CNTN4: variants seen among roughly 807,000 people sequenced by gnomAD.
CNTN4 encodes the protein contactin 4, also known as contactin-4.
In CNTN4, 77 loss-of-function variants were observed where a neutral mutation model predicts 122.5. The ratio of observed to expected loss-of-function variants is 0.63; its 90% CI spans 0.52 to 0.76. The LOEUF (loss-of-function observed/expected upper bound fraction) is 0.76. Ranked by LOEUF, CNTN4 falls within the 30% of genes least tolerant of loss-of-function variation. The probability of loss-of-function intolerance (pLI) is 0.00; values close to 1 mark genes in which losing one functional copy is unlikely to be tolerated. For missense variants in CNTN4, 1,256 were observed against 1,259.1 expected, an observed-to-expected ratio of 1.00 and a Z score of 0.04; for synonymous variants, 512 against 447.0, an observed-to-expected ratio of 1.15 and a Z score of -1.83.
At chr3:2,805,324 T>A (rs959421701) in intron 6 of CNTN4, among the ~76,000 whole-genome samples, 1 of 152,184 alleles carries the variant, frequency 6.6e-6, no homozygotes, top group African/African-American at 2.4e-5. Flanking sequence ...CAATTGGAGT[T>A]GTGCTAGAAT....
chr3:2,506,039 ATGGT>A (rs2076722425), intron 3 of CNTN4, among the ~76,000 whole-genome samples: 2 of 151,940 alleles, frequency 1.3e-5, no homozygotes, highest in Admixed American at 1.3e-4. Context: ...ATGTAACACT[ATGGT>A]AATCTTAACA....
intron 13 of CNTN4, among the ~76,000 whole-genome samples, chr3:2,956,065 A>G (rs1368357151): frequency 3.9e-5 from 6 of 152,222 alleles, no homozygotes; most frequent in Non-Finnish European, 8.8e-5. Context: ...AGAAGAATAA[A>G]TAAACAAACT....
At chr3:2,166,217 C>G (rs917145784) in intron 2 of CNTN4, among the ~76,000 whole-genome samples, 1 of 152,046 alleles carries the variant, frequency 6.6e-6, no homozygotes, top group East Asian at 1.9e-4. Flanking sequence ...TCACCACATC[C>G]TTGCTCAACA....
intron 13 of CNTN4, among the ~76,000 whole-genome samples, chr3:2,931,709 G>A (rs2094521904): frequency 6.6e-6 from 1 of 152,064 alleles, no homozygotes; most frequent in African/African-American, 2.4e-5. Flanking sequence ...GCTCACTGCA[G>A]CCTTGAACTC....
At chr3:2,240,308 C>G (rs778301804) in intron 2 of CNTN4, among the ~76,000 whole-genome samples, 4 of 152,052 alleles carry the variant, frequency 2.6e-5, no homozygotes, top group Non-Finnish European at 5.9e-5. Context: ...AAAACGAAAT[C>G]TTACCCTAAA....
At position 2,591,343 on chromosome 3, in the gene CNTN4, G is replaced by A. The variant is rs563170432; in HGVS notation, c.55+19785G>A. On this transcript the variant is annotated intron_variant, in intron 4 of 24. Transcript: ENST00000418658. ...TAGTCTGCCCTTTGAAGAACTAGTA[G>A]ATTTGTGACTTTTTTTTTTTTTTTT... Among the ~76,000 whole-genome samples, 2 of 142,812 alleles carry A rather than the reference G, an allele frequency of 1.4e-5. 1 individual carries two copies. Among genetic ancestry groups the A allele is most frequent in the Non-Finnish European group, 3.0e-5 (2 of 66,882 alleles). The allele number at this position is 142,812 out of a possible 152,430, so 93.7% of individuals were successfully genotyped here. A position where few individuals can be genotyped will look rare whatever the true frequency, so the allele number is the denominator to read the frequency against.
intron 2 of CNTN4, among the ~76,000 whole-genome samples, chr3:2,330,595 A>C (rs2150290897): frequency 1.0e-5 from 1 of 99,456 alleles, no homozygotes; most frequent in East Asian, 3.5e-4. Context: ...GAGGGTCAGT[A>C]TCTTAATTTT....
intron 2 of CNTN4, among the ~76,000 whole-genome samples, chr3:2,139,201 C>T (rs923885358): frequency 1.3e-5 from 2 of 152,074 alleles, no homozygotes; most frequent in African/African-American, 4.8e-5. Context: ...TTTCATCATA[C>T]CCCTAGGCCA....
chr3:2,535,404 A>G (rs1398410808), intron 3 of CNTN4, among the ~76,000 whole-genome samples: 1 of 152,064 alleles, frequency 6.6e-6, no homozygotes, highest in African/African-American at 2.4e-5. Flanking sequence ...TCATTTGATC[A>G]TAGGCTTCTT....
Position 2,883,258 on chromosome 3 carries a change from G to T in CNTN4, c.755+11G>T, listed in dbSNP as rs764116151. The T allele has an allele frequency of 5.6e-6, 9 of 1,600,906 alleles. No individual in the cohort carries two copies. The East Asian group carries it at 2.0e-4, about 36-fold the overall frequency. ...CTTTGCTTTAGGAAAGTAAGTTCTG[G>T]TTTGCGTTCCTTCTCATCCTCCCTT... On this transcript the variant is annotated intron_variant, in intron 9 of 24. Transcript: ENST00000418658.
At chr3:2,229,225 A>G (rs141190520) in intron 2 of CNTN4, among the ~76,000 whole-genome samples, 221 of 152,280 alleles carry the variant, frequency 1.5e-3, no homozygotes, top group African/African-American at 5.0e-3. Flanking sequence ...ATCTCATTGG[A>G]CCACAGTAAA....
At chr3:2,797,038 T>C (rs2092207457) in intron 6 of CNTN4, among the ~76,000 whole-genome samples, 1 of 152,164 alleles carries the variant, frequency 6.6e-6, no homozygotes. Flanking sequence ...TCTTGCTCTG[T>C]CACCCAGGCT....
intron 3 of CNTN4, among the ~76,000 whole-genome samples, chr3:2,483,911 A>G (rs1280765815): frequency 6.6e-6 from 1 of 152,196 alleles, no homozygotes; most frequent in Non-Finnish European, 1.5e-5. Context: ...GATATTTTGG[A>G]TATGACATCA....
At chr3:2,218,016 C>T (rs1470934347) in intron 2 of CNTN4, among the ~76,000 whole-genome samples, 3 of 151,990 alleles carry the variant, frequency 2.0e-5, no homozygotes, top group Non-Finnish European at 2.9e-5. Context: ...GTATTTCTGA[C>T]AAAAAATCAT....
At chr3:2,518,269 C>G (rs1004252440) in intron 3 of CNTN4, among the ~76,000 whole-genome samples, 47 of 152,098 alleles carry the variant, frequency 3.1e-4, no homozygotes, top group African/African-American at 1.1e-3. Flanking sequence ...AGGCTAAGAT[C>G]TTTGCAAACC....
chr3:2,977,652 G>A (rs557272861), intron 13 of CNTN4, among the ~76,000 whole-genome samples: 1 of 152,134 alleles, frequency 6.6e-6, no homozygotes, highest in Non-Finnish European at 1.5e-5. Context: ...CCCCTCCTGC[G>A]TATCACTTCC....
intron 4 of CNTN4, among the ~76,000 whole-genome samples, chr3:2,694,917 G>A (rs546621280): frequency 6.6e-6 from 1 of 152,246 alleles, no homozygotes; most frequent in South Asian, 2.1e-4. Flanking sequence ...TACTACCCCT[G>A]AAGGCTTATA....
In CNTN4 at chr3:2,339,184, T is replaced by C. The variant is rs944327811; in HGVS notation, c.-138T>C. On this transcript the variant is annotated 5_prime_UTR_variant, in exon 3 of 25. Transcript: ENST00000418658. ...TTTTTTCTTTTTATTCTAGGAATCATTGACATAGAGTAACTCCACAGCATG... is the reference window on the plus strand; with the variant it reads ...TTTTTTCTTTTTATTCTAGGAATCACTGACATAGAGTAACTCCACAGCATG... 1.3e-5 allele frequency: 2 copies of C among 152,142 alleles called. No homozygotes were observed. The highest frequency in any genetic ancestry group is 1.3e-4 in the Admixed American group (2 of 15,260). The allele number at this position is 152,142 out of a possible 1,614,324, so 9.4% of individuals were successfully genotyped here. A position where few individuals can be genotyped will look rare whatever the true frequency, so the allele number is the denominator to read the frequency against.
chr3:2,474,132 C>T (rs1382644031), intron 3 of CNTN4, among the ~76,000 whole-genome samples: 1 of 152,076 alleles, frequency 6.6e-6, no homozygotes, highest in Non-Finnish European at 1.5e-5. Flanking sequence ...CCTCACTAGC[C>T]TGCCTTAACT....
Sources: gnomAD v4.1 joint callset for allele counts (sites outside exome capture counted in the v4.1 genomes callset) on GRCh38, gnomAD v4.1.1 for gene constraint, MANE v1.5 for transcripts, NCBI Gene and HGNC (gene_info 2026-07-23, HGNC 2026-07-21) for gene names.